The following WWP2 variants were observed in gnomAD, a reference collection of about 807,000 sequenced individuals.
WWP2 encodes the protein WW domain containing E3 ubiquitin protein ligase 2.
A neutral mutation model predicts 121.0 loss-of-function variants in WWP2; 57 were observed. The ratio of observed to expected loss-of-function variants is 0.47; its 90% CI spans 0.38 to 0.59. The LOEUF (loss-of-function observed/expected upper bound fraction) is 0.59, where lower values mean the gene tolerates loss of function less well. WWP2 is among the 20% of genes least tolerant of loss of function. WWP2 has a pLI of 0.00. For synonymous variants in WWP2, 449 were observed against 441.3 expected, an observed-to-expected ratio of 1.02 and a Z score of -0.22; for missense variants, 962 against 1,158.9, an observed-to-expected ratio of 0.83 and a Z score of 2.47.
chr16:69,866,170 G>T (rs1443736285), intron 6 of WWP2, among the ~76,000 whole-genome samples: 5 of 152,108 alleles, frequency 3.3e-5, no homozygotes, highest in African/African-American at 9.7e-5. Flanking sequence ...TCTCAGTATT[G>T]TGGACTGTCC....
intron 4 of WWP2, among the ~76,000 whole-genome samples, chr16:69,825,283 G>T (rs897026311): frequency 2.0e-5 from 3 of 151,734 alleles, no homozygotes; most frequent in Admixed American, 6.6e-5. Context: ...AATTAGCTGG[G>T]CATGGTGGCA....
intron 6 of WWP2, among the ~76,000 whole-genome samples, chr16:69,862,215 G>A (rs971842330): frequency 1.3e-5 from 2 of 152,092 alleles, no homozygotes; most frequent in African/African-American, 2.4e-5. Flanking sequence ...ACAGGCATTC[G>A]CCACCATGCC....
At chr16:69,843,162 T>C (rs1020415658) in intron 6 of WWP2, among the ~76,000 whole-genome samples, 2 of 152,094 alleles carry the variant, frequency 1.3e-5, no homozygotes, top group Non-Finnish European at 2.9e-5. Flanking sequence ...TAGAAATGCT[T>C]AGAGCAATGG....
At chr16:69,865,118 C>T (rs981088747) in intron 6 of WWP2, among the ~76,000 whole-genome samples, 2 of 151,122 alleles carry the variant, frequency 1.3e-5, no homozygotes, top group African/African-American at 2.4e-5. Context: ...GGCGTGATCT[C>T]GGCTCACTGT....
intron 9 of WWP2, among the ~76,000 whole-genome samples, chr16:69,916,435 G>T (rs1300823600): frequency 6.6e-6 from 1 of 152,136 alleles, no homozygotes; most frequent in Admixed American, 6.6e-5. Flanking sequence ...AAGTTTTTGA[G>T]CAGGAGTGTG....
intron 6 of WWP2, among the ~76,000 whole-genome samples, chr16:69,860,297 G>T (rs958559883): frequency 6.6e-6 from 1 of 152,170 alleles, no homozygotes; most frequent in Non-Finnish European, 1.5e-5. Flanking sequence ...CTGACAGCTT[G>T]CATCTTTCCT....
intron 7 of WWP2, among the ~76,000 whole-genome samples, 178 bp downstream of exon 7, chr16:69,872,109 G>T (rs141379530): frequency 1.3e-5 from 2 of 152,184 alleles, no homozygotes; most frequent in East Asian, 3.9e-4. Flanking sequence ...TCTCTCTCTG[G>T]CATATTCTGT....
At chr16:69,874,332 A>G (rs1480604621) in intron 7 of WWP2, among the ~76,000 whole-genome samples, 2 of 152,172 alleles carry the variant, frequency 1.3e-5, no homozygotes, top group East Asian at 1.9e-4. Flanking sequence ...GAATGAGGAC[A>G]TCTTCATCCC....
chr16:69,926,911 G>A (rs914984248), intron 11 of WWP2, among the ~76,000 whole-genome samples: 3 of 152,198 alleles, frequency 2.0e-5, no homozygotes, highest in Non-Finnish European at 4.4e-5. Flanking sequence ...GGGACTTCTA[G>A]TGTATTTCAG....
chr16:69,917,646 T>C, intron 9 of WWP2, 63 bp from the exon 10 acceptor site: 1 of 1,567,222 alleles, frequency 6.4e-7, no homozygotes. Context: ...CCTGAGACTT[T>C]TCTAGAATTG....
intron 6 of WWP2, among the ~76,000 whole-genome samples, chr16:69,859,571 G>GA (rs200280946): frequency 4.0e-5 from 6 of 150,832 alleles, no homozygotes; most frequent in African/African-American, 1.5e-4. Context: ...AAAAGAAAAA[G>GA]AAAAAAAAAG....
intron 5 of WWP2, among the ~76,000 whole-genome samples, chr16:69,841,576 A>T (rs1271888906): frequency 6.6e-6 from 1 of 152,154 alleles, no homozygotes; most frequent in African/African-American, 2.4e-5. Flanking sequence ...ATCTTGAGAA[A>T]CAGCTATTGA....
chr16:69,913,151 A>G (rs1421675620), intron 9 of WWP2, among the ~76,000 whole-genome samples: 2 of 147,594 alleles, frequency 1.4e-5, no homozygotes, highest in Non-Finnish European at 3.0e-5. Flanking sequence ...CAGCCTCCTA[A>G]GTAGTTGGGG....
intron 1 of WWP2, among the ~76,000 whole-genome samples, chr16:69,773,697 G>C (rs373854242): frequency 6.7e-6 from 1 of 150,030 alleles, no homozygotes; most frequent in East Asian, 2.0e-4. Flanking sequence ...GCCTAGACTG[G>C]TCTCGAATTC....
At chr16:69,916,324 A>G (rs910981103) in intron 9 of WWP2, among the ~76,000 whole-genome samples, 1 of 152,112 alleles carries the variant, frequency 6.6e-6, no homozygotes, top group African/African-American at 2.4e-5. Flanking sequence ...CTGCCCAAGT[A>G]GCTGGGACCA....
intron 4 of WWP2, among the ~76,000 whole-genome samples, chr16:69,826,770 A>G (rs1273012108): frequency 6.6e-6 from 1 of 151,436 alleles, no homozygotes; most frequent in East Asian, 1.9e-4. Context: ...CCCCGTCTCT[A>G]ATAAAAATAC....
At chr16:69,889,209 G>A (rs948030714) in intron 8 of WWP2, among the ~76,000 whole-genome samples, 2 of 152,002 alleles carry the variant, frequency 1.3e-5, no homozygotes, top group Non-Finnish European at 2.9e-5. Context: ...GCCTGTAGTC[G>A]TAGCTACTGG....
At chr16:69,871,750 T>G in intron 6 of WWP2, 54 bp from the exon 7 acceptor site, 1 of 1,606,318 alleles carries the variant, frequency 6.2e-7, no homozygotes, top group South Asian at 1.1e-5. Flanking sequence ...AGGAAACACT[T>G]CTGTCCTTTT....
rs142617495 is a variant in WWP2 at position 69,787,032 on chromosome 16, C to T, written c.22C>T (p.Arg8Trp). The T allele has an allele frequency of 4.8e-5, 77 of 1,612,406 alleles. No individual in the cohort carries two copies. The highest frequency in any genetic ancestry group is 6.0e-5 in the Non-Finnish European group (71 of 1,179,418). The change falls in exon 2 of 24, where the codon CGG (arginine) becomes TGG (tryptophan). Residue 8 changes from arginine to tryptophan, a missense_variant. By Grantham distance (101) the Arg-to-Trp change is moderately radical (BLOSUM62 -3). Around this residue, in one of 3 missense-constraint regions of WWP2, gnomAD observed 145 missense variants for 189.8 expected, o/e 0.76. Transcript: ENST00000359154. MASASSS[R>W]AGVALPFEKS... Reference sequence around the variant, plus strand: ...TGATATGGCATCTGCCAGCTCTAGCCGGGCAGGAGTGGCCCTGCCTTTTGA... The same window carrying T: ...TGATATGGCATCTGCCAGCTCTAGCTGGGCAGGAGTGGCCCTGCCTTTTGA...
Sources: allele counts gnomAD v4.1 joint callset (sites outside exome capture counted in the v4.1 genomes callset), GRCh38; gene constraint gnomAD v4.1.1; regional missense constraint gnomAD v4.1.1; transcripts MANE v1.5; gene names NCBI Gene and HGNC (gene_info 2026-07-23, HGNC 2026-07-21).